Variants in CTNNA3 observed in about 807,000 individuals in gnomAD.
The protein encoded by CTNNA3 is catenin alpha-3.
CTNNA3 carries 76 observed loss-of-function variants against 95.7 expected under a neutral mutation model. The observed-to-expected ratio is 0.79, with a 90% CI of 0.66 to 0.96. CTNNA3 has a LOEUF of 0.96. Among genes scored for constraint, CTNNA3 ranks in the 40% least tolerant of loss-of-function variants. The probability of loss-of-function intolerance (pLI) is 0.00; values close to 1 mark genes in which losing one functional copy is unlikely to be tolerated. For missense variants in CTNNA3, 1,191 were observed against 1,089.8 expected (o/e 1.09, Z -1.31); for synonymous variants, 431 against 374.4 (o/e 1.15, Z -1.74).
chr10:66,440,976 CTGTAAG>C (rs1301539266), intron 11 of CTNNA3, among the ~76,000 whole-genome samples: 1 of 126,624 alleles, frequency 7.9e-6, no homozygotes, highest in African/African-American at 3.3e-5. Flanking sequence ...TTATTAATAA[CTGTAAG>C]TGAGTTCCTA....
At chr10:66,980,629 G>A (rs1043978048) in intron 7 of CTNNA3, among the ~76,000 whole-genome samples, 1 of 152,162 alleles carries the variant, frequency 6.6e-6, no homozygotes, top group African/African-American at 2.4e-5. Flanking sequence ...CAGTTAATGA[G>A]ATTCTTGCAA....
At chr10:67,394,300 C>CAAAA (rs553742818) in intron 5 of CTNNA3, among the ~76,000 whole-genome samples, 1 of 128,734 alleles carries the variant, frequency 7.8e-6, no homozygotes, top group Non-Finnish European at 1.7e-5. Flanking sequence ...GAATGAATAT[C>CAAAA]AAAAAAAAAA....
intron 5 of CTNNA3, among the ~76,000 whole-genome samples, chr10:67,245,634 C>A (rs1371700365): frequency 2.0e-5 from 3 of 151,978 alleles, no homozygotes; most frequent in Non-Finnish European, 4.4e-5. Context: ...CCGAGGCGGG[C>A]GGATCACGAA....
At chr10:66,475,952 T>A (rs1839310787) in intron 11 of CTNNA3, among the ~76,000 whole-genome samples, 2 of 151,950 alleles carry the variant, frequency 1.3e-5, no homozygotes, top group African/African-American at 4.8e-5. Context: ...AGAAAAGACA[T>A]GGAATCAACG....
At chr10:67,133,285 C>A (rs752607587) in intron 7 of CTNNA3, among the ~76,000 whole-genome samples, 7 of 113,598 alleles carry the variant, frequency 6.2e-5, no homozygotes, top group Non-Finnish European at 1.1e-4. Context: ...GTTCTATAGC[C>A]TTAGCTAGAG....
chr10:66,634,572 GGT>G (rs59187647), intron 9 of CTNNA3, among the ~76,000 whole-genome samples: 7,148 of 145,952 alleles, frequency 0.049, 180 homozygotes, highest in Middle Eastern at 0.12. Flanking sequence ...CTCTGTGCAT[GGT>G]GTGTGTGTGT....
Position 66,614,083 on chromosome 10 carries a change from G to A in CTNNA3, c.1374+7609C>T, listed in dbSNP as rs141019374. ...GTCTAATGCTCTTACTGAAGTGTGT[G>A]CTAAATACATCATAACTTAATCAGA... On this transcript the variant is annotated intron_variant, in intron 10 of 17. Coordinates refer to ENST00000433211, the MANE Select transcript of CTNNA3 (RefSeq NM_013266.4). 2.6e-5 allele frequency among the ~76,000 whole-genome samples: 4 copies of A among 152,234 alleles called. No homozygotes were observed. In the East Asian group the frequency reaches 7.7e-4, roughly 29 times the overall value.
chr10:67,662,899 G>A (rs1028235381), intron 1 of CTNNA3, among the ~76,000 whole-genome samples: 12 of 152,020 alleles, frequency 7.9e-5, no homozygotes, highest in African/African-American at 2.9e-4. Context: ...AACATCTTTT[G>A]TGTTCATCTC....
chr10:67,005,367 TC>T (rs1851906256), intron 7 of CTNNA3, among the ~76,000 whole-genome samples: 2 of 152,182 alleles, frequency 1.3e-5, no homozygotes, highest in Admixed American at 1.3e-4. Flanking sequence ...CTAAATCACT[TC>T]CCCCAAGCAG....
intron 7 of CTNNA3, among the ~76,000 whole-genome samples, chr10:66,836,356 C>T (rs184479072): frequency 6.6e-6 from 1 of 152,216 alleles, no homozygotes; most frequent in Admixed American, 6.5e-5. Flanking sequence ...ATTCTGCTTC[C>T]TTGTTTGGTG....
chr10:67,014,867 T>A (rs990464595), intron 7 of CTNNA3, among the ~76,000 whole-genome samples: 1 of 152,078 alleles, frequency 6.6e-6, no homozygotes, highest in Admixed American at 6.5e-5. Context: ...GATGTATACA[T>A]ACATAAGCCT....
intron 7 of CTNNA3, among the ~76,000 whole-genome samples, chr10:67,130,307 C>G (rs1463364092): frequency 2.0e-5 from 3 of 152,038 alleles, no homozygotes; most frequent in African/African-American, 7.2e-5. Context: ...TATGATGAGG[C>G]TCTTTGTGAT....
At chr10:67,726,093 A>G (rs957719862) in intron 1 of CTNNA3, among the ~76,000 whole-genome samples, 1 of 119,884 alleles carries the variant, frequency 8.3e-6, no homozygotes, top group Admixed American at 1.1e-4. Context: ...ATATTATAAT[A>G]TATAATTATA....
At chr10:66,696,718 A>G (rs1847778263) in intron 9 of CTNNA3, among the ~76,000 whole-genome samples, 1 of 151,984 alleles carries the variant, frequency 6.6e-6, no homozygotes, top group South Asian at 2.1e-4. Context: ...GGATCATTTG[A>G]GGTCAGGAGT....
intron 11 of CTNNA3, among the ~76,000 whole-genome samples, chr10:66,446,061 C>G (rs1218389217): frequency 6.6e-6 from 1 of 152,074 alleles, no homozygotes; most frequent in Non-Finnish European, 1.5e-5. Flanking sequence ...AGCAAATAAA[C>G]TAGAAAATCT....
intron 9 of CTNNA3, among the ~76,000 whole-genome samples, chr10:66,678,826 T>A (rs1372068705): frequency 6.6e-6 from 1 of 152,102 alleles, no homozygotes; most frequent in Non-Finnish European, 1.5e-5. Flanking sequence ...AACATGTGTA[T>A]GAGAGTGTGT....
At chr10:66,633,911 T>A (rs961151664) in intron 9 of CTNNA3, among the ~76,000 whole-genome samples, 4 of 152,060 alleles carry the variant, frequency 2.6e-5, no homozygotes, top group African/African-American at 9.7e-5. Context: ...AAAAACGCGA[T>A]TGATGAAATA....
intron 16 of CTNNA3, among the ~76,000 whole-genome samples, chr10:65,972,050 A>T (rs999803508): frequency 3.9e-5 from 6 of 152,126 alleles, no homozygotes; most frequent in African/African-American, 1.4e-4. Flanking sequence ...CAGAATTAAT[A>T]ACAAAAATCA....
In CTNNA3 at chr10:67,219,879, G is replaced by A. The variant is rs768454713; in HGVS notation, c.580-9C>T. 2.5e-6 allele frequency: 4 copies of A among 1,595,202 alleles called. No individual in the cohort carries two copies. In the East Asian group the frequency reaches 9.0e-5, roughly 36 times the overall value. Reference sequence around the variant, plus strand: ...TTTGGAGATTTTAAGTCCTGAGAAGGTAAATAAAAAGAGTGGTATCTTACA... The same window carrying A: ...TTTGGAGATTTTAAGTCCTGAGAAGATAAATAAAAAGAGTGGTATCTTACA... On this transcript the variant is annotated splice_polypyrimidine_tract_variant and intron_variant, in intron 5 of 17. Transcript: ENST00000433211.
Sources: allele counts gnomAD v4.1 joint callset (sites outside exome capture counted in the v4.1 genomes callset), GRCh38; gene constraint gnomAD v4.1.1; transcripts MANE v1.5; gene names NCBI Gene and HGNC (gene_info 2026-07-23, HGNC 2026-07-21).